Variants in DOCK10 observed in about 807,000 individuals in gnomAD.
DOCK10 encodes the protein dedicator of cytokinesis protein 10.
In DOCK10, 145 loss-of-function variants were observed where a neutral mutation model predicts 280.1. The observed-to-expected ratio is 0.52, with a 90% CI of 0.45 to 0.59. The LOEUF (loss-of-function observed/expected upper bound fraction) is 0.59, where lower values mean the gene tolerates loss of function less well. DOCK10 is among the 20% of genes least tolerant of loss of function. The pLI, the probability that DOCK10 is intolerant of heterozygous loss-of-function variation, is 0.00. For missense variants in DOCK10, 2,368 were observed against 2,651.7 expected (o/e 0.89, Z 2.35); for synonymous variants, 915 against 942.2 (o/e 0.97, Z 0.53).
intron 31 of DOCK10, among the ~76,000 whole-genome samples, 153 bp downstream of exon 31, chr2:224,814,166 CA>C (rs1224884831): frequency 6.6e-6 from 1 of 152,128 alleles, no homozygotes; most frequent in Non-Finnish European, 1.5e-5. Context: ...CTATCTGTGA[CA>C]AGCAAACAAT....
intron 20 of DOCK10, 26 bp from the exon 21 acceptor site, chr2:224,845,350 A>C: frequency 1.3e-6 from 2 of 1,581,446 alleles, no homozygotes; most frequent in Non-Finnish European, 8.6e-7. Flanking sequence ...ACCAACAAAA[A>C]TTCTGAGTAC....
In DOCK10 at chr2:224,770,060, G is replaced by A; in HGVS notation, c.6444+151C>T. The A allele has an allele frequency of 1.2e-6, 1 of 801,234 alleles. No homozygotes were observed. Among genetic ancestry groups the A allele is most frequent in the African/African-American group, 1.8e-5 (1 of 57,044 alleles). 49.6% of individuals were successfully genotyped at this position (801,234 alleles called of 1,614,324 possible). On this transcript the variant is annotated intron_variant, in intron 55 of 55. Coordinates refer to ENST00000258390, the MANE Select transcript of DOCK10 (RefSeq NM_014689.3). The surrounding 1 kb of genome is among the most constrained non-coding windows in gnomAD (Gnocchi z 4.5). The stretch of plus-strand genomic sequence containing the variant: ...TGATCTCTGCTTTGGGGCACGAGGT[G>A]GTGTGCACGGGAGAGAGAACAGATC...
At chr2:224,993,241 A>G (rs1706180379) in intron 1 of DOCK10, among the ~76,000 whole-genome samples, 1 of 146,318 alleles carries the variant, frequency 6.8e-6, no homozygotes, top group Non-Finnish European at 1.5e-5. Context: ...ACCTGAATTT[A>G]CCATTTCCTG....
At chr2:224,855,416 C>T (rs1697057328) in intron 15 of DOCK10, among the ~76,000 whole-genome samples, 1 of 152,192 alleles carries the variant, frequency 6.6e-6, no homozygotes, top group Non-Finnish European at 1.5e-5. Context: ...AACACACTCT[C>T]ATAATGAATT....
chr2:224,898,748 T>C (rs1334854378), intron 3 of DOCK10, among the ~76,000 whole-genome samples: 1 of 152,148 alleles, frequency 6.6e-6, no homozygotes, highest in East Asian at 1.9e-4. Flanking sequence ...GGCTAATTTT[T>C]TGTATTTTTA....
In DOCK10 at chr2:224,765,642, A is replaced by T; in HGVS notation, c.*79T>A. The T allele has an allele frequency of 2.0e-6, 2 of 1,008,026 alleles. No individual in the cohort carries two copies. Among genetic ancestry groups the T allele is most frequent in the Non-Finnish European group, 2.9e-6 (2 of 681,290 alleles). 62.4% of individuals were successfully genotyped at this position (1,008,026 alleles called of 1,614,324 possible). Reference sequence around the variant, plus strand: ...ACACCATGAAAACTTCAAATAAATTAAACCTATCTTTCTCTTCCCCGAGAT... The same window carrying T: ...ACACCATGAAAACTTCAAATAAATTTAACCTATCTTTCTCTTCCCCGAGAT... On this transcript the variant is annotated 3_prime_UTR_variant, in exon 56 of 56. Coordinates refer to ENST00000258390, the MANE Select transcript of DOCK10 (RefSeq NM_014689.3).
chr2:224,930,931 A>T (rs1702327723), intron 2 of DOCK10, among the ~76,000 whole-genome samples: 1 of 152,238 alleles, frequency 6.6e-6, no homozygotes, highest in African/African-American at 2.4e-5. Context: ...CTCACCATCC[A>T]CAACTTTGTG....
chr2:224,780,842 G>A (rs1691277633), intron 50 of DOCK10, among the ~76,000 whole-genome samples: 1 of 151,922 alleles, frequency 6.6e-6, no homozygotes, highest in Admixed American at 6.6e-5. Context: ...GGAGGTTGCA[G>A]TGAGCCAAGT....
chr2:224,980,942 T>C (rs1269181289), intron 1 of DOCK10, among the ~76,000 whole-genome samples: 1 of 152,176 alleles, frequency 6.6e-6, no homozygotes, highest in Non-Finnish European at 1.5e-5. Flanking sequence ...TTTTGAGGTA[T>C]AAGGTTTTTT....
At chr2:224,990,336 A>G (rs571767728) in intron 1 of DOCK10, among the ~76,000 whole-genome samples, 2 of 152,304 alleles carry the variant, frequency 1.3e-5, no homozygotes, top group South Asian at 4.1e-4. Context: ...GGCATCAGGA[A>G]GCAGTTTGCC....
At chr2:225,023,523 C>T (rs1483173823) in intron 1 of DOCK10, among the ~76,000 whole-genome samples, 1 of 151,974 alleles carries the variant, frequency 6.6e-6, no homozygotes, top group African/African-American at 2.4e-5. Flanking sequence ...CCAATAATAC[C>T]ACCAAACTGG....
rs199766649 is a variant in DOCK10, at chr2:224,896,283, A to G, written c.416+12T>C. 6.5e-7 allele frequency: 1 copy of G among 1,535,274 alleles called. No individual in the cohort carries two copies. Among genetic ancestry groups the G allele is most frequent in the African/African-American group, 1.4e-5 (1 of 72,878 alleles). On this transcript the variant is annotated intron_variant, in intron 4 of 55. Transcript: ENST00000258390. ...TGGAAAAGACCAATAAGTGCTCATA[A>G]CAGGTTCTTACCGGGGTAGCTGTCG... is the stretch of plus-strand genomic sequence containing the variant.
At chr2:224,801,845 C>A in intron 40 of DOCK10, 71 bp downstream of exon 40, 1 of 1,487,846 alleles carries the variant, frequency 6.7e-7, no homozygotes, top group Non-Finnish European at 9.3e-7. Context: ...GGTTTTAGTG[C>A]ATTTCATGTC....
intron 1 of DOCK10, among the ~76,000 whole-genome samples, chr2:225,034,404 G>C (rs367889169): frequency 2.6e-4 from 39 of 152,308 alleles, no homozygotes; most frequent in African/African-American, 9.1e-4. Context: ...GATTGCACAA[G>C]TATAGTACTT....
intron 2 of DOCK10, among the ~76,000 whole-genome samples, chr2:224,918,307 T>C (rs1278593643): frequency 2.0e-5 from 3 of 151,262 alleles, no homozygotes; most frequent in Non-Finnish European, 4.4e-5. Flanking sequence ...GATGAGAGTG[T>C]GTGGGAGCAT....
Position 224,814,312 on chromosome 2 carries a change from T to A in DOCK10, c.3409+8A>T, listed in dbSNP as rs1286326196. 3 of 1,517,824 alleles carry A rather than the reference T, an allele frequency of 2.0e-6. No homozygotes were observed. The highest frequency in any genetic ancestry group is 2.7e-6 in the Non-Finnish European group (3 of 1,129,884). 94.0% of individuals were successfully genotyped at this position (1,517,824 alleles called of 1,614,324 possible). A position where few individuals can be genotyped will look rare whatever the true frequency, so the allele number is the denominator to read the frequency against. On this transcript the variant is annotated splice_region_variant and intron_variant, in intron 31 of 55. Transcript: ENST00000258390. Reference sequence around the variant, plus strand: ...TTACTGATGCTTAGGTAAGGTAATATCACTTACCTGATGCATGTAACTCTT... The same window carrying A: ...TTACTGATGCTTAGGTAAGGTAATAACACTTACCTGATGCATGTAACTCTT...
intron 1 of DOCK10, among the ~76,000 whole-genome samples, chr2:224,954,643 C>T (rs930449573): frequency 6.6e-5 from 10 of 152,276 alleles, no homozygotes; most frequent in South Asian, 6.2e-4. Context: ...CAGGGCATAA[C>T]AATAATGACA....
Position 224,845,467 on chromosome 2 carries a change from C to T in DOCK10, c.2359+52G>A, listed in dbSNP as rs1456460883. ...AGGGCTTTGAAAACACTCTCCAAAC[C>T]AATTCAAACAGAAGACATGTGACTC... On this transcript the variant is annotated intron_variant, in intron 20 of 55. Transcript: ENST00000258390. 2.5e-6 allele frequency: 4 copies of T among 1,584,658 alleles called. No homozygotes were observed. In the African/African-American group the frequency reaches 5.5e-5, roughly 22 times the overall value.
chr2:224,792,939 C>T, intron 47 of DOCK10, 35 bp downstream of exon 47: 1 of 1,479,258 alleles, frequency 6.8e-7, no homozygotes, highest in South Asian at 1.2e-5. Flanking sequence ...TGGATTTCCT[C>T]TGCATTGGGA....
Sources: gnomAD v4.1 joint callset for allele counts (sites outside exome capture counted in the v4.1 genomes callset) on GRCh38, gnomAD v4.1.1 for gene constraint, Gnocchi (gnomAD v3.1) non-coding constraint, MANE v1.5 for transcripts, NCBI Gene and HGNC (gene_info 2026-07-23, HGNC 2026-07-21) for gene names.